Variants in PRH1 observed in about 807,000 individuals in gnomAD.
PRH1 encodes the protein proline rich protein HaeIII subfamily 1.
In PRH1, 7 loss-of-function variants were observed where a neutral mutation model predicts 7.9. The ratio of observed to expected loss-of-function variants is 0.89; its 90% CI spans 0.50 to 1.67. The LOEUF (loss-of-function observed/expected upper bound fraction) is 1.67, where lower values mean the gene tolerates loss of function less well. PRH1 is among the 40% of genes most tolerant of loss of function. PRH1 has a pLI of 0.00. For synonymous variants in PRH1, 45 were observed against 80.8 expected (o/e 0.56, Z 2.38); for missense variants, 109 against 223.6 (o/e 0.49, Z 3.27).
upstream of PRH1, among the ~76,000 whole-genome samples, chr12:10,886,107 A>T (rs1162687557): frequency 4.6e-5 from 7 of 152,130 alleles, no homozygotes; most frequent in South Asian, 2.1e-4. Flanking sequence ...GGGCCGTATG[A>T]GTTGTATCTC....
chr12:11,064,317 T>C (rs1373010806), intron 1 of PRH1, among the ~76,000 whole-genome samples: 1 of 152,204 alleles, frequency 6.6e-6, no homozygotes, highest in African/African-American at 2.4e-5. Flanking sequence ...ACATTGTGTT[T>C]CTGAAATTTA....
intron 1 of PRH1, among the ~76,000 whole-genome samples, chr12:11,017,708 G>C (rs2136057769): frequency 6.6e-6 from 1 of 152,104 alleles, no homozygotes; most frequent in African/African-American, 2.4e-5. Flanking sequence ...GCTCAGGCTA[G>C]TCTCAAACTC....
At chr12:11,008,840 T>C (rs1012962716) in intron 1 of PRH1, among the ~76,000 whole-genome samples, 1 of 152,050 alleles carries the variant, frequency 6.6e-6, no homozygotes, top group African/African-American at 2.4e-5. Flanking sequence ...CATTCTTTCA[T>C]ATACATTTGC....
At chr12:11,032,307 G>GTCA (rs1177133264) in intron 1 of PRH1, among the ~76,000 whole-genome samples, 1 of 152,098 alleles carries the variant, frequency 6.6e-6, no homozygotes, top group Non-Finnish European at 1.5e-5. Flanking sequence ...AGGGAGCTTG[G>GTCA]TCATAACTAA....
chr12:11,162,121 A>G (rs1348791240), intron 1 of PRH1, among the ~76,000 whole-genome samples: 1 of 152,214 alleles, frequency 6.6e-6, no homozygotes, highest in Non-Finnish European at 1.5e-5. Context: ...TTTCAGATGC[A>G]GCCAAGGAGG....
At chr12:10,890,001 G>A (rs971608076) in intron 2 of PRH1, among the ~76,000 whole-genome samples, 2 of 152,110 alleles carry the variant, frequency 1.3e-5, no homozygotes, top group Admixed American at 6.5e-5. Context: ...TAATTTCAAG[G>A]TTGTAATTTC....
At chr12:11,145,919 T>C (rs1439185166) in intron 1 of PRH1, among the ~76,000 whole-genome samples, 2 of 152,212 alleles carry the variant, frequency 1.3e-5, no homozygotes, top group South Asian at 2.1e-4. Flanking sequence ...TAACAAACTA[T>C]ACATAGCTCT....
At chr12:11,101,716 TA>T (rs1235911300) in intron 1 of PRH1, among the ~76,000 whole-genome samples, 1 of 152,096 alleles carries the variant, frequency 6.6e-6, no homozygotes, top group Non-Finnish European at 1.5e-5. Context: ...AACAGTAAGA[TA>T]AAAAATTATA....
At chr12:11,039,988 C>T (rs1324366858) in intron 1 of PRH1, among the ~76,000 whole-genome samples, 6 of 152,258 alleles carry the variant, frequency 3.9e-5, no homozygotes, top group Middle Eastern at 3.4e-3. Flanking sequence ...TCAAACTTAT[C>T]GCTCATGCTG....
At chr12:10,923,798 C>T (rs1397882519) in intron 2 of PRH1, among the ~76,000 whole-genome samples, 3 of 152,048 alleles carry the variant, frequency 2.0e-5, no homozygotes, top group Non-Finnish European at 4.4e-5. Flanking sequence ...AGAACATAGT[C>T]GTGTTTTGTT....
intron 1 of PRH1, among the ~76,000 whole-genome samples, chr12:11,130,828 A>G (rs1347004675): frequency 2.0e-5 from 3 of 152,234 alleles, no homozygotes; most frequent in Non-Finnish European, 2.9e-5. Flanking sequence ...ACAAGCCCCT[A>G]TAAGCACAAA....
intron 2 of PRH1, among the ~76,000 whole-genome samples, chr12:10,911,702 T>C (rs1197678305): frequency 6.6e-6 from 1 of 152,234 alleles, no homozygotes; most frequent in Non-Finnish European, 1.5e-5. Context: ...CCTCATATCA[T>C]TTGTTTAGAA....
intron 1 of PRH1, chr12:10,986,597 C>G (rs1449858513): frequency 4.3e-6 from 7 of 1,613,788 alleles, no homozygotes; most frequent in Non-Finnish European, 5.9e-6. Context: ...TGGTTACAAC[C>G]CAGGCATTAT....
chr12:10,967,292 G>A (rs974830546), intron 2 of PRH1, among the ~76,000 whole-genome samples: 1 of 150,180 alleles, frequency 6.7e-6, no homozygotes, highest in East Asian at 1.9e-4. Flanking sequence ...ATAATGAGCA[G>A]AGTAATCAAT....
chr12:11,121,874 T>C (rs750294456), intron 1 of PRH1, among the ~76,000 whole-genome samples: 1 of 152,176 alleles, frequency 6.6e-6, no homozygotes, highest in Non-Finnish European at 1.5e-5. Context: ...CAAACAATGA[T>C]AGTTAAGTTC....
chr12:11,053,837 T>A (rs975169029), intron 1 of PRH1, among the ~76,000 whole-genome samples: 7 of 151,912 alleles, frequency 4.6e-5, no homozygotes, highest in African/African-American at 1.7e-4. Context: ...TGTGTGTGTG[T>A]GAGATGGAGT....
chr12:11,028,030 G>T (rs1942005394), intron 1 of PRH1, among the ~76,000 whole-genome samples: 1 of 152,168 alleles, frequency 6.6e-6, no homozygotes, highest in Non-Finnish European at 1.5e-5. Context: ...GGCGGTACTG[G>T]ACACAAACAT....
intron 1 of PRH1, among the ~76,000 whole-genome samples, chr12:11,006,642 G>A (rs1236884661): frequency 6.6e-6 from 1 of 151,942 alleles, no homozygotes; most frequent in African/African-American, 2.4e-5. Flanking sequence ...TGTCTGAAGA[G>A]ACAAAAAGAA....
chr12:11,029,197 GAATT>G (rs887878113), intron 1 of PRH1, among the ~76,000 whole-genome samples: 1 of 149,802 alleles, frequency 6.7e-6, no homozygotes, highest in African/African-American at 2.4e-5. Flanking sequence ...ATAACACCAA[GAATT>G]AATACAGTCA....
Sources: gnomAD v4.1 joint callset for allele counts (sites outside exome capture counted in the v4.1 genomes callset) on GRCh38, gnomAD v4.1.1 for gene constraint, MANE v1.5 for transcripts, NCBI Gene and HGNC (gene_info 2026-07-23, HGNC 2026-07-21) for gene names.